KCNQ5: variants seen among roughly 807,000 people sequenced by gnomAD.
KCNQ5 encodes potassium voltage-gated channel subfamily Q member 5, also known as potassium voltage-gated channel subfamily KQT member 5.
A neutral mutation model predicts 98.2 loss-of-function variants in KCNQ5; 30 were observed. That is an observed-to-expected ratio of 0.31 (90% CI 0.23 to 0.41). KCNQ5 has a LOEUF of 0.41. Among genes scored for constraint, KCNQ5 ranks in the 10% least tolerant of loss-of-function variants. The pLI, the probability that KCNQ5 is intolerant of heterozygous loss-of-function variation, is 1.00. For synonymous variants in KCNQ5, 458 were observed against 449.4 expected (o/e 1.02, Z -0.24); for missense variants, 835 against 1,182.5 (o/e 0.71, Z 4.31).
chr6:72,988,569 G>A (rs1562113871), intron 1 of KCNQ5, among the ~76,000 whole-genome samples: 1 of 151,698 alleles, frequency 6.6e-6, no homozygotes, highest in Admixed American at 6.6e-5. Context: ...ATGACTACCA[G>A]AGTGTAATAC....
chr6:72,939,722 G>A (rs375788566), intron 1 of KCNQ5, among the ~76,000 whole-genome samples: 7 of 152,150 alleles, frequency 4.6e-5, no homozygotes, highest in Non-Finnish European at 8.8e-5. Context: ...CTTGATGCAA[G>A]CCTGCAAATC....
intron 5 of KCNQ5, among the ~76,000 whole-genome samples, chr6:73,083,711 A>T (rs1180160003): frequency 1.3e-5 from 2 of 152,228 alleles, no homozygotes; most frequent in Non-Finnish European, 2.9e-5. Context: ...CCATCATAAA[A>T]GTTTCAATTA....
At chr6:72,753,200 C>G (rs960058203) in intron 1 of KCNQ5, among the ~76,000 whole-genome samples, 2 of 152,034 alleles carry the variant, frequency 1.3e-5, no homozygotes, top group Non-Finnish European at 2.9e-5. Flanking sequence ...AGGAATCATA[C>G]AGTATGTAGC....
chr6:72,624,741 C>T (rs543243981), intron 1 of KCNQ5, among the ~76,000 whole-genome samples: 4 of 152,228 alleles, frequency 2.6e-5, no homozygotes, highest in South Asian at 4.1e-4. Context: ...ACTGCAATGC[C>T]TCAGCAATTA....
intron 1 of KCNQ5, among the ~76,000 whole-genome samples, chr6:72,727,895 G>A (rs992388851): frequency 6.6e-6 from 1 of 152,116 alleles, no homozygotes; most frequent in Non-Finnish European, 1.5e-5. Flanking sequence ...GTTGCAGGTT[G>A]GGTCTATGTC....
chr6:73,059,797 T>C (rs1279932272), intron 3 of KCNQ5, among the ~76,000 whole-genome samples: 9 of 152,148 alleles, frequency 5.9e-5, no homozygotes, highest in Admixed American at 3.9e-4. Context: ...CAGTTCTTCA[T>C]ACTGTGATAA....
chr6:72,828,342 A>G (rs1179859319), intron 1 of KCNQ5, among the ~76,000 whole-genome samples: 1 of 152,076 alleles, frequency 6.6e-6, no homozygotes, highest in Non-Finnish European at 1.5e-5. Flanking sequence ...CAACAATATT[A>G]ATTCTTCTAA....
intron 1 of KCNQ5, among the ~76,000 whole-genome samples, chr6:72,865,512 A>AT (rs1777944597): frequency 6.6e-6 from 1 of 152,176 alleles, no homozygotes; most frequent in African/African-American, 2.4e-5. Context: ...GATTCAGTGC[A>AT]TTATCTCTTT....
At chr6:72,816,899 T>A (rs1244534509) in intron 1 of KCNQ5, among the ~76,000 whole-genome samples, 1 of 152,220 alleles carries the variant, frequency 6.6e-6, no homozygotes, top group African/African-American at 2.4e-5. Context: ...CAGTAGTACA[T>A]TCAGCAAAGA....
chr6:72,781,683 A>C (rs1773482137), intron 1 of KCNQ5, among the ~76,000 whole-genome samples: 1 of 152,172 alleles, frequency 6.6e-6, no homozygotes, highest in Non-Finnish European at 1.5e-5. Flanking sequence ...ATTATCTTTT[A>C]ACCCTAGCCT....
intron 6 of KCNQ5, among the ~76,000 whole-genome samples, chr6:73,106,378 CTA>C (rs1775001832): frequency 6.6e-6 from 1 of 152,296 alleles, no homozygotes; most frequent in Non-Finnish European, 1.5e-5. Flanking sequence ...CACATACTAA[CTA>C]TATGACTGCT....
At chr6:72,999,017 A>G (rs1308447195) in intron 1 of KCNQ5, among the ~76,000 whole-genome samples, 2 of 152,040 alleles carry the variant, frequency 1.3e-5, no homozygotes, top group African/African-American at 4.8e-5. Context: ...GTACCTGGGG[A>G]TTGTGTGTTT....
At chr6:72,763,194 T>C (rs948047287) in intron 1 of KCNQ5, among the ~76,000 whole-genome samples, 3 of 152,016 alleles carry the variant, frequency 2.0e-5, no homozygotes, top group African/African-American at 7.2e-5. Context: ...CTCTGGGTCC[T>C]GGGTGTGTCA....
intron 1 of KCNQ5, among the ~76,000 whole-genome samples, chr6:72,656,757 C>G (rs1582059989): frequency 6.6e-6 from 1 of 152,126 alleles, no homozygotes; most frequent in Admixed American, 6.6e-5. Flanking sequence ...AAATTTATGT[C>G]CACTGAGAGC....
At chr6:72,938,412 C>G (rs1253472561) in intron 1 of KCNQ5, among the ~76,000 whole-genome samples, 1 of 152,150 alleles carries the variant, frequency 6.6e-6, no homozygotes, top group Non-Finnish European at 1.5e-5. Context: ...TGGAGTCTCG[C>G]TCTGTCACCC....
chr6:72,706,298 G>A (rs1769077551), intron 1 of KCNQ5, among the ~76,000 whole-genome samples: 1 of 151,722 alleles, frequency 6.6e-6, no homozygotes, highest in Admixed American at 6.6e-5. Flanking sequence ...TGTTTTCTGT[G>A]TAAGATGAAG....
intron 1 of KCNQ5, among the ~76,000 whole-genome samples, chr6:72,774,061 T>C (rs994078350): frequency 4.6e-5 from 7 of 151,744 alleles, no homozygotes; most frequent in African/African-American, 2.4e-5. Context: ...GATAGCCTTA[T>C]GGAAAAAAAA....
intron 1 of KCNQ5, among the ~76,000 whole-genome samples, chr6:72,895,015 A>T (rs1779189736): frequency 6.7e-6 from 1 of 150,234 alleles, no homozygotes; most frequent in Non-Finnish European, 1.5e-5. Flanking sequence ...TTTAAGGTGG[A>T]GCCCCAGTAA....
intron 3 of KCNQ5, among the ~76,000 whole-genome samples, chr6:73,058,124 T>G (rs1457215152): frequency 1.3e-5 from 2 of 152,050 alleles, no homozygotes; most frequent in Non-Finnish European, 2.9e-5. Flanking sequence ...ACATAAAACC[T>G]AAAACTGGCC....
Sources: gnomAD v4.1 joint callset for allele counts (sites outside exome capture counted in the v4.1 genomes callset) on GRCh38, gnomAD v4.1.1 for gene constraint, MANE v1.5 for transcripts, NCBI Gene and HGNC (gene_info 2026-07-23, HGNC 2026-07-21) for gene names.